The following KLF9 variants were observed in gnomAD, a reference collection of about 807,000 sequenced individuals.
KLF9 encodes KLF transcription factor 9, also known as Krueppel-like factor 9.
KLF9 carries 2 observed loss-of-function variants against 17.3 expected under a neutral mutation model. The ratio of observed to expected loss-of-function variants is 0.12; its 90% CI spans 0.05 to 0.36. The LOEUF is 0.36. KLF9 is among the 10% of genes least tolerant of loss of function. The pLI, the probability that KLF9 is intolerant of heterozygous loss-of-function variation, is 1.00. For synonymous variants in KLF9, 138 were observed against 139.2 expected (o/e 0.99, Z 0.06); for missense variants, 226 against 333.2 (o/e 0.68, Z 2.51).
intron 1 of KLF9, among the ~76,000 whole-genome samples, chr9:70,408,361 T>C (rs2037271910): frequency 6.6e-6 from 1 of 152,148 alleles, no homozygotes; most frequent in Admixed American, 6.5e-5. Context: ...TCAGGCCTAG[T>C]TGTACATCTA....
rs1587737404 is a variant in KLF9, at chr9:70,387,436, C to A, written c.*340G>T. On this transcript the variant is annotated 3_prime_UTR_variant, in exon 2 of 2. Transcript: ENST00000377126. ...CTTGGCCTTACCCCCCTCCCCCCCA[C>A]CCACTCCCTACCCTCCCCCGCAAAA... 1.3e-5 allele frequency: 2 copies of A among 149,000 alleles called. No individual in the cohort carries two copies. The highest frequency in any genetic ancestry group is 3.9e-4 in the East Asian group (2 of 5,186). 9.2% of individuals were successfully genotyped at this position (149,000 alleles called of 1,614,324 possible).
intron 1 of KLF9, among the ~76,000 whole-genome samples, chr9:70,404,323 G>A (rs2037242477): frequency 6.6e-6 from 1 of 152,124 alleles, no homozygotes; most frequent in Non-Finnish European, 1.5e-5. Flanking sequence ...GAGATGGCTG[G>A]GTGCAGTGGC....
intron 1 of KLF9, among the ~76,000 whole-genome samples, chr9:70,393,588 T>C (rs2037164909): frequency 6.6e-6 from 1 of 152,148 alleles, no homozygotes; most frequent in Non-Finnish European, 1.5e-5. Context: ...CTAACTTTAA[T>C]GGAGACAGGA....
chr9:70,388,091 T>G, intron 1 of KLF9, 86 bp from the exon 2 acceptor site: 3 of 1,036,324 alleles, frequency 2.9e-6, no homozygotes. Flanking sequence ...TCCCTACGAC[T>G]CAAAGGATAA....
chr9:70,412,556 GGA>G (rs1432238008), intron 1 of KLF9, among the ~76,000 whole-genome samples: 1 of 152,124 alleles, frequency 6.6e-6, no homozygotes, highest in Non-Finnish European at 1.5e-5. Flanking sequence ...GCGGGGTGCG[GGA>G]GAGTCCCGGG....
At chr9:70,402,201 G>T (rs2037227078) in intron 1 of KLF9, among the ~76,000 whole-genome samples, 1 of 152,140 alleles carries the variant, frequency 6.6e-6, no homozygotes, top group African/African-American at 2.4e-5. Context: ...ACGAGAGAAA[G>T]CCAGCTGTTT....
chr9:70,412,756 T>G, intron 1 of KLF9, 103 bp downstream of exon 1: 1 of 1,075,718 alleles, frequency 9.3e-7, no homozygotes, highest in Non-Finnish European at 1.4e-6. Context: ...CCAACATGTT[T>G]GCACCCTTTC....
At position 70,413,428 on chromosome 9, in the gene KLF9, G is replaced by C. The variant is rs1489940733; in HGVS notation, c.-65C>G. 2.8e-6 allele frequency: 4 copies of C among 1,407,432 alleles called. No homozygotes were observed. The highest frequency in any genetic ancestry group is 3.7e-6 in the Non-Finnish European group (4 of 1,086,104). The allele number at this position is 1,407,432 out of a possible 1,614,324, so 87.2% of individuals were successfully genotyped here. ...GGCGGTGGCTGCGGAGGTTCGGCTC[G>C]CCCTGCCCTGGCCTCGGACGACGAG... On this transcript the variant is annotated 5_prime_UTR_variant, in exon 1 of 2. Transcript: ENST00000377126. The surrounding 1 kb of genome is among the most constrained non-coding windows in gnomAD (Gnocchi z 5.6).
chr9:70,390,881 A>T (rs2037149425), intron 1 of KLF9, among the ~76,000 whole-genome samples: 1 of 152,186 alleles, frequency 6.6e-6, no homozygotes, highest in Non-Finnish European at 1.5e-5. Context: ...CAAAAAGCCA[A>T]ACCAAACCAA....
At position 70,386,184 on chromosome 9, in the gene KLF9, T is replaced by C. The variant is rs1305494778; in HGVS notation, c.*1592A>G. On this transcript the variant is annotated 3_prime_UTR_variant, in exon 2 of 2. Transcript: ENST00000377126. ...GCGTTACTTCTGAAGAAAAAAAAAA[T>C]GTAAACATTTCCCCCATGATCACTG... is the stretch of plus-strand genomic sequence containing the variant. 3 of 152,364 alleles carry C rather than the reference T, an allele frequency of 2.0e-5. No individual in the cohort carries two copies. The highest frequency in any genetic ancestry group is 3.9e-4 in the East Asian group (2 of 5,190). The allele number at this position is 152,364 out of a possible 1,614,324, so 9.4% of individuals were successfully genotyped here.
At position 70,413,430 on chromosome 9, in the gene KLF9, C is replaced by A. The variant is rs112535015; in HGVS notation, c.-67G>T. 1.5e-6 allele frequency: 2 copies of A among 1,345,516 alleles called. No individual in the cohort carries two copies. Among genetic ancestry groups the A allele is most frequent in the East Asian group, 6.0e-5 (2 of 33,244 alleles). 83.3% of individuals were successfully genotyped at this position (1,345,516 alleles called of 1,614,324 possible). On this transcript the variant is annotated 5_prime_UTR_variant, in exon 1 of 2. Coordinates refer to ENST00000377126, the MANE Select transcript of KLF9 (RefSeq NM_001206.4). The surrounding 1 kb of genome is among the most constrained non-coding windows in gnomAD (Gnocchi z 5.6). Reference sequence around the variant, plus strand: ...CGGTGGCTGCGGAGGTTCGGCTCGCCCTGCCCTGGCCTCGGACGACGAGCG... The same window carrying A: ...CGGTGGCTGCGGAGGTTCGGCTCGCACTGCCCTGGCCTCGGACGACGAGCG...
At chr9:70,404,995 C>T (rs2037246871) in intron 1 of KLF9, among the ~76,000 whole-genome samples, 1 of 152,180 alleles carries the variant, frequency 6.6e-6, no homozygotes, top group African/African-American at 2.4e-5. Context: ...ATTCCAGTTC[C>T]TCAGTTTGAC....
At position 70,390,394 on chromosome 9, in the gene KLF9, AG is replaced by A. The variant is rs544220429; in HGVS notation, c.506-2390del. Among the ~76,000 whole-genome samples the A allele has an allele frequency of 9.3e-4, 141 of 152,170 alleles. 2 individuals are homozygous for A. The highest frequency in any genetic ancestry group is 3.4e-3 in the Middle Eastern group (1 of 294). Reference sequence around the variant, plus strand: ...GATGCTCGGGGATGGGGCTGCAAAGAGGAAAAAAAAAAGAGTTTCCCGTGAA... The same window carrying A: ...GATGCTCGGGGATGGGGCTGCAAAGAGAAAAAAAAAAGAGTTTCCCGTGAA... On this transcript the variant is annotated intron_variant, in intron 1 of 1. Transcript: ENST00000377126.
At chr9:70,409,263 G>A (rs1338625307) in intron 1 of KLF9, among the ~76,000 whole-genome samples, 1 of 146,118 alleles carries the variant, frequency 6.8e-6, no homozygotes, top group African/African-American at 2.5e-5. Context: ...GAACTGGGGT[G>A]TCATGGTTGG....
chr9:70,398,023 A>G (rs1038502047), intron 1 of KLF9, among the ~76,000 whole-genome samples: 3 of 152,216 alleles, frequency 2.0e-5, no homozygotes, highest in African/African-American at 7.2e-5. Context: ...CTCAAAAATC[A>G]TTCATTCAAA....
Position 70,413,702 on chromosome 9 carries a change from A to C in KLF9, c.-339T>G. ...GCCGGCTCCCTTGGAAAGATGCCAC[A>C]CGTGGCGGTCGCAAGTTTATTCGAC... On this transcript the variant is annotated 5_prime_UTR_variant, in exon 1 of 2. Transcript: ENST00000377126. This position sits in a 1 kb window ranked among gnomAD's most constrained non-coding sequence, Gnocchi z 5.6. The C allele has an allele frequency of 6.5e-6, 1 of 153,908 alleles. No homozygotes were observed. The allele number at this position is 153,908 out of a possible 1,614,324, so 9.5% of individuals were successfully genotyped here. A position where few individuals can be genotyped will look rare whatever the true frequency, so the allele number is the denominator to read the frequency against.
In KLF9 at chr9:70,414,079, G is replaced by T; in HGVS notation, c.-716C>A. 6.6e-6 allele frequency: 1 copy of T among 152,556 alleles called. No individual in the cohort carries two copies. The allele number at this position is 152,556 out of a possible 1,614,324, so 9.5% of individuals were successfully genotyped here. On this transcript the variant is annotated 5_prime_UTR_variant, in exon 1 of 2. Transcript: ENST00000377126. ...TCAGAACGGCCTTCGGTGGAGAGGT[G>T]CGTCTAGAACTGAGGCGTGCGGCCA...
At chr9:70,404,835 C>A (rs910450986) in intron 1 of KLF9, among the ~76,000 whole-genome samples, 3 of 152,000 alleles carry the variant, frequency 2.0e-5, no homozygotes, top group African/African-American at 7.3e-5. Context: ...AGATGAGAAA[C>A]CTGAGGCTCA....
At chr9:70,405,127 AGAT>A (rs1016917598) in intron 1 of KLF9, among the ~76,000 whole-genome samples, 2 of 152,218 alleles carry the variant, frequency 1.3e-5, no homozygotes, top group African/African-American at 2.4e-5. Flanking sequence ...CTTTGGGCCA[AGAT>A]GATCTGTAAT....
Sources: gnomAD v4.1 joint callset for allele counts (sites outside exome capture counted in the v4.1 genomes callset) on GRCh38, gnomAD v4.1.1 for gene constraint, Gnocchi (gnomAD v3.1) non-coding constraint, MANE v1.5 for transcripts, NCBI Gene and HGNC (gene_info 2026-07-23, HGNC 2026-07-21) for gene names.